SAMD3: variants seen among roughly 807,000 people sequenced by gnomAD.
SAMD3 encodes the protein sterile alpha motif domain-containing protein 3.
Under a neutral mutation model 58.5 loss-of-function variants are expected in SAMD3, and 63 were observed. The ratio of observed to expected loss-of-function variants is 1.08; its 90% confidence interval spans 0.88 to 1.33. The LOEUF (loss-of-function observed/expected upper bound fraction) is 1.33. SAMD3 is among the 40% of genes most tolerant of loss of function. SAMD3 has a pLI of 0.00. For synonymous variants in SAMD3, 220 were observed against 210.3 expected, an observed-to-expected ratio of 1.05 and a Z score of -0.40; for missense variants, 604 against 608.4, an observed-to-expected ratio of 0.99 and a Z score of 0.08.
chr6:130,364,512 G>A (rs1778075188), intron 1 of SAMD3, among the ~76,000 whole-genome samples: 1 of 151,934 alleles, frequency 6.6e-6, no homozygotes, highest in Non-Finnish European at 1.5e-5. Flanking sequence ...GAGGTAACTA[G>A]GAAGAGGGCC....
intron 1 of SAMD3, among the ~76,000 whole-genome samples, chr6:130,343,361 C>T (rs1777330726): frequency 6.6e-6 from 1 of 151,776 alleles, no homozygotes; most frequent in South Asian, 2.1e-4. Context: ...ATTGCCAGTA[C>T]AAAAATAACA....
chr6:130,343,157 T>C (rs913045659), intron 1 of SAMD3, among the ~76,000 whole-genome samples: 3 of 151,790 alleles, frequency 2.0e-5, no homozygotes, highest in Non-Finnish European at 4.4e-5. Context: ...CAGAATCTTT[T>C]TCAAATAATC....
intron 1 of SAMD3, among the ~76,000 whole-genome samples, chr6:130,346,255 A>G (rs1369282151): frequency 1.3e-5 from 2 of 152,222 alleles, no homozygotes; most frequent in African/African-American, 4.8e-5. Flanking sequence ...ACCGAGCATG[A>G]GCTGAAGCAG....
chr6:130,253,299 A>G (rs996127325), intron 2 of SAMD3, among the ~76,000 whole-genome samples: 1 of 152,204 alleles, frequency 6.6e-6, no homozygotes, highest in Admixed American at 6.5e-5. Context: ...GGCAGAAAGA[A>G]TAGAGGAAAA....
intron 1 of SAMD3, among the ~76,000 whole-genome samples, chr6:130,341,427 G>A (rs1002211367): frequency 6.6e-6 from 1 of 152,262 alleles, no homozygotes. Flanking sequence ...GAGCAGATTC[G>A]TTGAGTAAGA....
chr6:130,320,603 G>A (rs1488807694), intron 1 of SAMD3, among the ~76,000 whole-genome samples: 2 of 152,032 alleles, frequency 1.3e-5, no homozygotes, highest in African/African-American at 2.4e-5. Context: ...TGTTTGTAAC[G>A]GCCCCAAACT....
At chr6:130,365,303 G>T (rs1437472458) in exon 1 of SAMD3, 34 of 985,390 alleles carry the variant, frequency 3.5e-5, no homozygotes, top group Non-Finnish European at 4.1e-5. Flanking sequence ...AGACCCCCGT[G>T]CTTCAGTTCC....
rs1259584459 is a variant in SAMD3 at position 130,308,413 on chromosome 6, CT to C, written c.-188+4564del. ...CTATTCTATTCTATTCTATTCTATTCTATTCTATTCTATTCTATTCTATTCT... is the reference window on the plus strand; with the variant it reads ...CTATTCTATTCTATTCTATTCTATTCATTCTATTCTATTCTATTCTATTCT... On this transcript the variant is annotated intron_variant, in intron 2 of 13. Coordinates refer to the SAMD3 transcript ENST00000368134. Among the ~76,000 whole-genome samples the C allele has an allele frequency of 5.7e-5, 8 of 140,194 alleles. 1 individual carries two copies. In the South Asian group the frequency reaches 1.4e-3, roughly 24 times the overall value. 92.0% of individuals were successfully genotyped at this position (140,194 alleles called of 152,430 possible).
At chr6:130,346,080 T>C (rs555225930) in intron 1 of SAMD3, among the ~76,000 whole-genome samples, 11 of 152,300 alleles carry the variant, frequency 7.2e-5, no homozygotes, top group African/African-American at 1.7e-4. Context: ...AAAATTAATA[T>C]GGTTGGGAGG....
At position 130,214,351 on chromosome 6, in the gene SAMD3, T is replaced by C; in HGVS notation, c.255A>G (p.Thr85=). ...AACATACTCACTCTCGAGCTGCTTC[T>C]GTTTGCATGACCAGGGCTGCCTTTT... ...NPKKAALVMQ[T]EAARDYRDEE... The change falls in exon 4 of 12, where the codon ACA becomes ACG. Residue 85 remains threonine, a synonymous_variant. Transcript: ENST00000439090. The C allele has an allele frequency of 6.3e-7, 1 of 1,595,224 alleles. No individual in the cohort carries two copies. Among genetic ancestry groups the C allele is most frequent in the Non-Finnish European group, 8.5e-7 (1 of 1,173,244 alleles).
intron 1 of SAMD3, among the ~76,000 whole-genome samples, chr6:130,339,357 TC>T (rs1321507555): frequency 6.6e-6 from 1 of 152,134 alleles, no homozygotes; most frequent in African/African-American, 2.4e-5. Context: ...CCGAATCTCA[TC>T]TTAAATTGTA....
intron 5 of SAMD3, among the ~76,000 whole-genome samples, chr6:130,209,231 C>T (rs1795330713): frequency 6.6e-6 from 1 of 152,164 alleles, no homozygotes; most frequent in African/African-American, 2.4e-5. Context: ...GATTTTATGA[C>T]AGAGAAATCC....
At chr6:130,150,116 CGCGTGTGTGTGTGCGT>C (rs1789015895) in intron 9 of SAMD3, among the ~76,000 whole-genome samples, 1 of 151,578 alleles carries the variant, frequency 6.6e-6, no homozygotes, top group African/African-American at 2.4e-5. Flanking sequence ...TGTGTGTGCG[CGCGTGTGTGTGTGCGT>C]GTATTTCATT....
chr6:130,203,659 T>C (rs1262157826), intron 5 of SAMD3, among the ~76,000 whole-genome samples: 1 of 152,242 alleles, frequency 6.6e-6, no homozygotes, highest in African/African-American at 2.4e-5. Flanking sequence ...CATCTGTTCC[T>C]TCATGCAATG....
At position 130,159,630 on chromosome 6, in the gene SAMD3, T is replaced by C. The variant is rs1790103960; in HGVS notation, c.823-4605A>G. On this transcript the variant is annotated intron_variant, in intron 8 of 11. Transcript: ENST00000439090. ...TCAGAAGCACTGATCATAAGACAAA[T>C]GATTGATAACTCTAACTACATTAAA... The C allele has an allele frequency of 1.3e-5, 2 of 152,164 alleles. 1 individual carries two copies. The highest frequency in any genetic ancestry group is 4.1e-4 in the South Asian group (2 of 4,838). 9.4% of individuals were successfully genotyped at this position (152,164 alleles called of 1,614,324 possible). A position where few individuals can be genotyped will look rare whatever the true frequency, so the allele number is the denominator to read the frequency against.
At chr6:130,254,349 C>G (rs1360809416) in intron 2 of SAMD3, among the ~76,000 whole-genome samples, 1 of 151,814 alleles carries the variant, frequency 6.6e-6, no homozygotes, top group Non-Finnish European at 1.5e-5. Context: ...GCCCTGCCAC[C>G]ACACCTGGCT....
chr6:130,355,859 T>G (rs1777813561), intron 1 of SAMD3, among the ~76,000 whole-genome samples: 1 of 152,164 alleles, frequency 6.6e-6, no homozygotes, highest in Non-Finnish European at 1.5e-5. Context: ...TCACACAAAG[T>G]GTAGAGCGCA....
intron 2 of SAMD3, among the ~76,000 whole-genome samples, chr6:130,270,291 C>T (rs1774513189): frequency 6.6e-6 from 1 of 152,184 alleles, no homozygotes; most frequent in African/African-American, 2.4e-5. Context: ...TGGGGTTTCA[C>T]CATGTTGGCC....
At chr6:130,242,188 A>T (rs1393103551) in intron 2 of SAMD3, among the ~76,000 whole-genome samples, 1 of 152,216 alleles carries the variant, frequency 6.6e-6, no homozygotes, top group Non-Finnish European at 1.5e-5. Context: ...CTATCAAGGG[A>T]GAATAGGTTG....
Sources: allele counts gnomAD v4.1 joint callset (sites outside exome capture counted in the v4.1 genomes callset), GRCh38; gene constraint gnomAD v4.1.1; transcripts MANE v1.5; gene names NCBI Gene and HGNC (gene_info 2026-07-23, HGNC 2026-07-21).